SLC35D4: variants seen among roughly 807,000 people sequenced by gnomAD.
SLC35D4 encodes UDP-N-acetylglucosamine transporter SLC35D4.
the SLC35D4 span, among the ~76,000 whole-genome samples, chr18:23,254,529 G>T: frequency 6.6e-6 from 1 of 152,314 alleles, no homozygotes; most frequent in Admixed American, 6.5e-5. Context: ...GTTTGTTACA[G>T]TTCCCAAGAG....
chr18:23,293,989 G>A, the SLC35D4 span, among the ~76,000 whole-genome samples: 1 of 151,880 alleles, frequency 6.6e-6, no homozygotes, highest in Non-Finnish European at 1.5e-5. Flanking sequence ...TAGCGATGGA[G>A]GTTCACTGTG....
chr18:23,348,729 T>C, the SLC35D4 span, among the ~76,000 whole-genome samples: 5 of 152,228 alleles, frequency 3.3e-5, no homozygotes, highest in Admixed American at 6.5e-5. Context: ...TCTTTTACTT[T>C]AAGGTATAAC....
chr18:23,391,131 C>G, the SLC35D4 span, among the ~76,000 whole-genome samples: 5 of 151,120 alleles, frequency 3.3e-5, no homozygotes, highest in African/African-American at 1.2e-4. Flanking sequence ...GAGGCTGATG[C>G]AGGAGAACCA....
At chr18:23,267,341 GC>G in the SLC35D4 span, among the ~76,000 whole-genome samples, 1 of 152,130 alleles carries the variant, frequency 6.6e-6, no homozygotes, top group Non-Finnish European at 1.5e-5. Context: ...ACACTGCCAA[GC>G]CCACGCTCCT....
chr18:23,349,755 G>T, the SLC35D4 span, among the ~76,000 whole-genome samples: 1 of 152,234 alleles, frequency 6.6e-6, no homozygotes, highest in South Asian at 2.1e-4. Flanking sequence ...CTTCTGCCAC[G>T]TCAAATCTGT....
At chr18:23,398,919 G>A in the SLC35D4 span, among the ~76,000 whole-genome samples, 1 of 152,206 alleles carries the variant, frequency 6.6e-6, no homozygotes, top group Non-Finnish European at 1.5e-5. Flanking sequence ...CATCATTCCT[G>A]ATTTTTAAGC....
At chr18:23,371,103 T>TCTC in the SLC35D4 span, among the ~76,000 whole-genome samples, 1 of 107,030 alleles carries the variant, frequency 9.3e-6, no homozygotes, top group Non-Finnish European at 2.2e-5. Context: ...CTCTCTCTCT[T>TCTC]TCTTTTTTTT....
At chr18:23,247,755 CA>C in the SLC35D4 span, among the ~76,000 whole-genome samples, 17 of 152,336 alleles carry the variant, frequency 1.1e-4, no homozygotes, top group East Asian at 2.9e-3. Context: ...GGGACAAAAG[CA>C]AGACTGAAGA....
the SLC35D4 span, among the ~76,000 whole-genome samples, chr18:23,402,468 T>C: frequency 1.1e-4 from 16 of 152,272 alleles, no homozygotes; most frequent in East Asian, 2.1e-3. Context: ...TTAATGCACA[T>C]TTATATGTCT....
chr18:23,364,541 G>T, the SLC35D4 span, among the ~76,000 whole-genome samples: 1 of 152,164 alleles, frequency 6.6e-6, no homozygotes, highest in Non-Finnish European at 1.5e-5. Flanking sequence ...TGATGGAATA[G>T]GGTCTTGTGG....
chr18:23,294,470 T>G, the SLC35D4 span, among the ~76,000 whole-genome samples: 2 of 152,196 alleles, frequency 1.3e-5, no homozygotes, highest in African/African-American at 4.8e-5. Context: ...CAATAGAAAC[T>G]GACGGAAACT....
At chr18:23,289,935 T>C in the SLC35D4 span, among the ~76,000 whole-genome samples, 1 of 151,718 alleles carries the variant, frequency 6.6e-6, no homozygotes, top group Admixed American at 6.6e-5. Context: ...CACCCCTATC[T>C]CCCTTTGCTG....
chr18:23,246,623 C>T, the SLC35D4 span, among the ~76,000 whole-genome samples: 8 of 151,674 alleles, frequency 5.3e-5, no homozygotes, highest in Non-Finnish European at 1.2e-4. Flanking sequence ...GATCTCCTGA[C>T]CTTGTGATCC....
At chr18:23,424,633 G>A in the SLC35D4 span, among the ~76,000 whole-genome samples, 2 of 152,128 alleles carry the variant, frequency 1.3e-5, no homozygotes, top group Admixed American at 6.6e-5. Context: ...CCAAAAAAAC[G>A]CTTGCTACTC....
At chr18:23,251,634 G>T in the SLC35D4 span, among the ~76,000 whole-genome samples, 1 of 152,184 alleles carries the variant, frequency 6.6e-6, no homozygotes, top group Non-Finnish European at 1.5e-5. Context: ...GGACTCCAAG[G>T]ATCCTTTAAG....
At chr18:23,276,916 A>G in the SLC35D4 span, among the ~76,000 whole-genome samples, 2 of 152,224 alleles carry the variant, frequency 1.3e-5, no homozygotes, top group Non-Finnish European at 2.9e-5. Flanking sequence ...GAGATCTTCA[A>G]AAAGTCCTGC....
the SLC35D4 span, among the ~76,000 whole-genome samples, chr18:23,397,007 A>G: frequency 6.6e-6 from 1 of 152,158 alleles, no homozygotes; most frequent in Non-Finnish European, 1.5e-5. Context: ...GAACTCCCCA[A>G]CTGCCTGAAA....
the SLC35D4 span, among the ~76,000 whole-genome samples, chr18:23,437,241 G>A: frequency 6.6e-6 from 1 of 152,178 alleles, no homozygotes; most frequent in East Asian, 1.9e-4. Context: ...AAAACTAAAT[G>A]TATGTTTTAT....
At chr18:23,303,405 A>C in the SLC35D4 span, among the ~76,000 whole-genome samples, 1 of 152,226 alleles carries the variant, frequency 6.6e-6, no homozygotes, top group Non-Finnish European at 1.5e-5. Context: ...CATAAAGTTC[A>C]CAGGATGTGA....
Sources: allele counts gnomAD v4.1 joint callset (sites outside exome capture counted in the v4.1 genomes callset), GRCh38; gene constraint gnomAD v4.1.1; transcripts MANE v1.5; gene names NCBI Gene and HGNC (gene_info 2026-07-23, HGNC 2026-07-21).